WDPCP: variants seen among roughly 807,000 people sequenced by gnomAD.
WDPCP encodes WD repeat containing planar cell polarity effector.
Under a neutral mutation model 93.1 loss-of-function variants are expected in WDPCP, and 71 were observed. The observed-to-expected ratio is 0.76, with a 90% CI of 0.63 to 0.93. The LOEUF is 0.93. WDPCP is among the 40% of genes least tolerant of loss of function. WDPCP has a pLI of 0.00. For synonymous variants in WDPCP, 315 were observed against 315.0 expected, an observed-to-expected ratio of 1.00 and a Z score of 0.00; for missense variants, 844 against 887.4, an observed-to-expected ratio of 0.95 and a Z score of 0.62.
chr2:63,492,088 A>G (rs1700912676), intron 2 of WDPCP, among the ~76,000 whole-genome samples: 1 of 152,204 alleles, frequency 6.6e-6, no homozygotes, highest in African/African-American at 2.4e-5. Flanking sequence ...CTTGATGAAA[A>G]TATCAAAGTC....
At chr2:63,169,833 T>C (rs1276447222) in intron 15 of WDPCP, among the ~76,000 whole-genome samples, 1 of 152,040 alleles carries the variant, frequency 6.6e-6, no homozygotes, top group Admixed American at 6.6e-5. Context: ...TTGGGTACCC[T>C]GTAACTTATT....
At chr2:63,144,821 T>C (rs1023002098) in intron 17 of WDPCP, among the ~76,000 whole-genome samples, 1 of 152,218 alleles carries the variant, frequency 6.6e-6, no homozygotes, top group Non-Finnish European at 1.5e-5. Flanking sequence ...TTTGGGGGTG[T>C]TGAAGAGCCT....
At chr2:63,431,259 G>C (rs1426800351) in intron 9 of WDPCP, among the ~76,000 whole-genome samples, 1 of 152,038 alleles carries the variant, frequency 6.6e-6, no homozygotes. Flanking sequence ...CTCCCCTCCA[G>C]AGATTCTGAT....
At chr2:63,123,104 T>A (rs1226986382) in intron 17 of WDPCP, among the ~76,000 whole-genome samples, 1 of 151,220 alleles carries the variant, frequency 6.6e-6, no homozygotes, top group Non-Finnish European at 1.5e-5. Flanking sequence ...AATTTAATAG[T>A]GCCTGAGGCT....
At chr2:63,497,445 G>A (rs551344672) in intron 1 of WDPCP, among the ~76,000 whole-genome samples, 29 of 152,232 alleles carry the variant, frequency 1.9e-4, no homozygotes, top group African/African-American at 5.8e-4. Flanking sequence ...CATTAACAGG[G>A]GAGCGGGAGG....
At chr2:63,797,025 G>C (rs1021944065) in intron 2 of WDPCP, among the ~76,000 whole-genome samples, 2 of 152,112 alleles carry the variant, frequency 1.3e-5, no homozygotes, top group Non-Finnish European at 2.9e-5. Flanking sequence ...AGAAGGAAAG[G>C]GCACTAGGCA....
At chr2:63,738,647 A>T (rs538800184) in intron 2 of WDPCP, among the ~76,000 whole-genome samples, 1 of 152,330 alleles carries the variant, frequency 6.6e-6, no homozygotes, top group Non-Finnish European at 1.5e-5. Context: ...CCAAATACTG[A>T]TTATATTCAT....
At chr2:63,452,924 C>T (rs930441658) in intron 6 of WDPCP, among the ~76,000 whole-genome samples, 1 of 152,148 alleles carries the variant, frequency 6.6e-6, no homozygotes, top group Non-Finnish European at 1.5e-5. Flanking sequence ...CTTCCTTACA[C>T]CTTAAACAAA....
chr2:63,186,460 A>G (rs1369188684), intron 14 of WDPCP, among the ~76,000 whole-genome samples: 1 of 152,240 alleles, frequency 6.6e-6, no homozygotes, highest in East Asian at 1.9e-4. Context: ...TTGTGAGCCA[A>G]GATTGAGAAG....
At chr2:63,342,135 G>T (rs1688888012) in intron 12 of WDPCP, among the ~76,000 whole-genome samples, 1 of 152,116 alleles carries the variant, frequency 6.6e-6, no homozygotes, top group African/African-American at 2.4e-5. Flanking sequence ...TTCACAATAA[G>T]GTTCATGGTC....
chr2:63,593,447 C>A, upstream of WDPCP: 1 of 406,982 alleles, frequency 2.5e-6, no homozygotes. Flanking sequence ...GAGTGAGTAC[C>A]AAATTGCTGA....
chr2:63,130,487 A>G (rs1670220492), intron 17 of WDPCP, among the ~76,000 whole-genome samples: 1 of 152,128 alleles, frequency 6.6e-6, no homozygotes, highest in African/African-American at 2.4e-5. Context: ...TCTTTATGCT[A>G]GCACCATATT....
intron 2 of WDPCP, among the ~76,000 whole-genome samples, chr2:63,735,895 A>G (rs2103839294): frequency 6.6e-6 from 1 of 152,356 alleles, no homozygotes; most frequent in East Asian, 1.9e-4. Context: ...AAATAACCCT[A>G]GCTCTCTGTT....
intron 12 of WDPCP, chr2:63,378,017 A>T (rs1691998322): frequency 5.3e-6 from 1 of 188,674 alleles, no homozygotes; most frequent in African/African-American, 2.4e-5. Flanking sequence ...AAAGAAAAAC[A>T]AACTAATGAC....
At chr2:63,373,413 G>A (rs760465163) in intron 12 of WDPCP, among the ~76,000 whole-genome samples, 18 of 151,068 alleles carry the variant, frequency 1.2e-4, no homozygotes, top group East Asian at 5.8e-4. Flanking sequence ...CCATGCGCCC[G>A]GCTAATTTTT....
chr2:63,565,455 A>G (rs1317609287), intron 1 of WDPCP, among the ~76,000 whole-genome samples: 1 of 152,212 alleles, frequency 6.6e-6, no homozygotes, highest in Non-Finnish European at 1.5e-5. Flanking sequence ...AGAAATATTT[A>G]AACTCTATAG....
chr2:63,638,417 A>G (rs897606373), intron 3 of WDPCP, among the ~76,000 whole-genome samples: 1 of 152,184 alleles, frequency 6.6e-6, no homozygotes, highest in Admixed American at 6.5e-5. Flanking sequence ...TTCACAATCT[A>G]TACATATATC....
intron 2 of WDPCP, among the ~76,000 whole-genome samples, chr2:63,673,482 T>C (rs372718746): frequency 3.3e-5 from 5 of 152,072 alleles, no homozygotes; most frequent in African/African-American, 4.8e-5. Context: ...TGAGCCAGAG[T>C]TGCCCATTAA....
At chr2:63,446,565 C>A (rs192634076) in intron 6 of WDPCP, among the ~76,000 whole-genome samples, 1 of 152,270 alleles carries the variant, frequency 6.6e-6, no homozygotes, top group East Asian at 1.9e-4. Flanking sequence ...CAATCCTTTT[C>A]TCACATAAAG....
Sources: allele counts gnomAD v4.1 joint callset (sites outside exome capture counted in the v4.1 genomes callset), GRCh38; gene constraint gnomAD v4.1.1; transcripts MANE v1.5; gene names NCBI Gene and HGNC (gene_info 2026-07-23, HGNC 2026-07-21).